The following PAK2 variants were observed in gnomAD, a reference collection of about 807,000 sequenced individuals.
PAK2 encodes the protein serine/threonine-protein kinase PAK 2.
In PAK2, 21 loss-of-function variants were observed where a neutral mutation model predicts 65.9. The ratio of observed to expected loss-of-function variants is 0.32; its 90% CI spans 0.23 to 0.46. The LOEUF (loss-of-function observed/expected upper bound fraction) is 0.46, where lower values mean the gene tolerates loss of function less well. PAK2 is among the 20% of genes least tolerant of loss of function. The pLI, the probability that PAK2 is intolerant of heterozygous loss-of-function variation, is 1.00. For missense variants in PAK2, 324 were observed against 642.6 expected, an observed-to-expected ratio of 0.50 and a Z score of 5.36; for synonymous variants, 204 against 219.7, an observed-to-expected ratio of 0.93 and a Z score of 0.63.
At chr3:196,801,878 T>G in intron 2 of PAK2, 49 bp from the exon 3 acceptor site, 1 of 924,332 alleles carries the variant, frequency 1.1e-6, no homozygotes, top group Non-Finnish European at 1.8e-6. Flanking sequence ...CCTTTACTAG[T>G]CTTGTTTAAA....
chr3:196,781,222 A>G (rs1360812574), intron 1 of PAK2, among the ~76,000 whole-genome samples: 1 of 152,218 alleles, frequency 6.6e-6, no homozygotes, highest in African/African-American at 2.4e-5. Context: ...AAATGCATTA[A>G]ATAATCTTAG....
intron 5 of PAK2, among the ~76,000 whole-genome samples, 170 bp downstream of exon 5, chr3:196,805,553 T>A (rs1431566145): frequency 6.6e-6 from 1 of 152,198 alleles, no homozygotes; most frequent in African/African-American, 2.4e-5. Context: ...CCGTATTAAA[T>A]AGAAATTCCT....
At chr3:196,816,269 G>A (rs1357295395) in intron 11 of PAK2, among the ~76,000 whole-genome samples, 1 of 152,082 alleles carries the variant, frequency 6.6e-6, no homozygotes, top group Non-Finnish European at 1.5e-5. Context: ...TCATTAAGGT[G>A]TTAAAAATAT....
At position 196,820,363 on chromosome 3, in the gene PAK2, T is replaced by C; in HGVS notation, c.1154-8T>C. 1 of 1,555,644 alleles carries C rather than the reference T, an allele frequency of 6.4e-7. No individual in the cohort carries two copies. Among genetic ancestry groups the C allele is most frequent in the Non-Finnish European group, 8.7e-7 (1 of 1,146,522 alleles). ...AAGCCATTAACTCTGTTTTGTTTTGTTTTGTAGCTGACTTTGGTTTCTGTG... is the reference window on the plus strand; with the variant it reads ...AAGCCATTAACTCTGTTTTGTTTTGCTTTGTAGCTGACTTTGGTTTCTGTG... On this transcript the variant is annotated splice_polypyrimidine_tract_variant and splice_region_variant and intron_variant, in intron 12 of 14. Transcript: ENST00000327134. The surrounding 1 kb of genome is among the most constrained non-coding windows in gnomAD (Gnocchi z 4.6).
intron 2 of PAK2, among the ~76,000 whole-genome samples, chr3:196,790,664 A>T (rs979058892): frequency 6.6e-6 from 1 of 152,144 alleles, no homozygotes; most frequent in Admixed American, 6.5e-5. Context: ...ACTGACACAG[A>T]TGTTATGCTT....
chr3:196,782,122 T>G (rs921224235), intron 1 of PAK2, among the ~76,000 whole-genome samples: 1 of 151,702 alleles, frequency 6.6e-6, no homozygotes, highest in African/African-American at 2.4e-5. Context: ...AAATAAGAAT[T>G]TTTTAGGAAA....
chr3:196,827,901 A>G (rs1054282355), intron 14 of PAK2, among the ~76,000 whole-genome samples: 2 of 90,292 alleles, frequency 2.2e-5, no homozygotes, highest in Admixed American at 1.2e-4. Flanking sequence ...CATCGTATCA[A>G]TCCTCAGACC....
At chr3:196,827,750 T>TAA (rs778356378) in intron 14 of PAK2, among the ~76,000 whole-genome samples, 1 of 148,562 alleles carries the variant, frequency 6.7e-6, no homozygotes, top group Non-Finnish European at 1.5e-5. Flanking sequence ...CTTAAAGTAT[T>TAA]AAAAAAAAAA....
intron 8 of PAK2, among the ~76,000 whole-genome samples, chr3:196,811,281 TCCCTC>T (rs1271604831): frequency 8.5e-5 from 2 of 23,574 alleles, no homozygotes; most frequent in African/African-American, 1.7e-4. Flanking sequence ...TTCCCTCCCT[TCCCTC>T]CCTTCCCTCC....
At chr3:196,761,299 T>C (rs1342384658) in intron 1 of PAK2, among the ~76,000 whole-genome samples, 11 of 106,928 alleles carry the variant, frequency 1.0e-4, no homozygotes, top group African/African-American at 4.1e-4. Flanking sequence ...CAGAGGACCC[T>C]GCGGCCTTCC....
rs953505122 is a variant in PAK2, at chr3:196,820,704, C to G, written c.1350+137C>G. 6.6e-6 allele frequency: 3 copies of G among 457,500 alleles called. No individual in the cohort carries two copies. The highest frequency in any genetic ancestry group is 4.0e-5 in the African/African-American group (2 of 50,086). 28.3% of individuals were successfully genotyped at this position (457,500 alleles called of 1,614,324 possible). ...CTAATCTCTGCCCCTAACTCTGCAT[C>G]TAGAAATCATTTGCTCTCTGAGTTA... On this transcript the variant is annotated intron_variant, in intron 13 of 14. Transcript: ENST00000327134. The surrounding 1 kb of genome is among the most constrained non-coding windows in gnomAD (Gnocchi z 4.6).
intron 6 of PAK2, among the ~76,000 whole-genome samples, chr3:196,807,136 A>T (rs116334120): frequency 0.047 from 7,112 of 152,266 alleles, 207 homozygotes; most frequent in Middle Eastern, 0.071. Context: ...GGAGAATTTT[A>T]AAAATGATGA....
chr3:196,767,784 G>A (rs185472269), intron 1 of PAK2, among the ~76,000 whole-genome samples: 21 of 152,092 alleles, frequency 1.4e-4, no homozygotes, highest in South Asian at 6.2e-4. Context: ...GTGAGCCACC[G>A]TGCCCGGCTG....
chr3:196,788,801 A>G (rs1357214460), intron 2 of PAK2, among the ~76,000 whole-genome samples: 1 of 152,206 alleles, frequency 6.6e-6, no homozygotes, highest in Non-Finnish European at 1.5e-5. Context: ...TGGCCCACCT[A>G]CAGGAGGGAT....
chr3:196,824,634 A>G (rs9874771), intron 13 of PAK2, among the ~76,000 whole-genome samples: 11 of 152,090 alleles, frequency 7.2e-5, no homozygotes, highest in Non-Finnish European at 1.5e-4. Context: ...GGGCAGTGAA[A>G]TTACTTTGTA....
At chr3:196,758,796 C>T (rs945362065) in intron 1 of PAK2, among the ~76,000 whole-genome samples, 1 of 152,112 alleles carries the variant, frequency 6.6e-6, no homozygotes, top group Non-Finnish European at 1.5e-5. Context: ...GCTGGGACAG[C>T]AGGCACTCAT....
At chr3:196,744,295 T>C (rs1713299626) in intron 1 of PAK2, among the ~76,000 whole-genome samples, 1 of 152,230 alleles carries the variant, frequency 6.6e-6, no homozygotes, top group African/African-American at 2.4e-5. Context: ...TACCTTAGTC[T>C]CAGCTGGCAG....
At chr3:196,785,821 T>G (rs577991202) in intron 2 of PAK2, among the ~76,000 whole-genome samples, 1 of 152,150 alleles carries the variant, frequency 6.6e-6, no homozygotes, top group Non-Finnish European at 1.5e-5. Context: ...AGAGAGCTTG[T>G]GCAGGGAAAC....
chr3:196,825,236 C>G (rs977006912), intron 13 of PAK2, among the ~76,000 whole-genome samples: 1 of 125,614 alleles, frequency 8.0e-6, no homozygotes, highest in Non-Finnish European at 1.7e-5. Flanking sequence ...CTCCCAGCTA[C>G]TCGGGAGGCT....
Sources: gnomAD v4.1 joint callset for allele counts (sites outside exome capture counted in the v4.1 genomes callset) on GRCh38, gnomAD v4.1.1 for gene constraint, Gnocchi (gnomAD v3.1) non-coding constraint, MANE v1.5 for transcripts, NCBI Gene and HGNC (gene_info 2026-07-23, HGNC 2026-07-21) for gene names.